The following FGFR1 variants were observed in gnomAD, a reference collection of about 807,000 sequenced individuals.
FGFR1 encodes the protein fibroblast growth factor receptor 1, also known as FGFR1/PLAG1 fusion.
A neutral mutation model predicts 93.7 loss-of-function variants in FGFR1; 18 were observed. That is an observed-to-expected ratio of 0.19 (90% confidence interval 0.13 to 0.28). FGFR1 has a LOEUF of 0.28. Among genes scored for constraint, FGFR1 ranks in the 10% least tolerant of loss-of-function variants. The pLI, the probability that FGFR1 is intolerant of heterozygous loss-of-function variation, is 1.00. For missense variants in FGFR1, 731 were observed against 1,080.4 expected, an observed-to-expected ratio of 0.68 and a Z score of 4.53; for synonymous variants, 448 against 429.3, an observed-to-expected ratio of 1.04 and a Z score of -0.54.
Position 38,461,174 on chromosome 8 carries a change from C to G in FGFR1, c.-88-3640G>C, listed in dbSNP as rs567194714. On this transcript the variant is annotated intron_variant, in intron 1 of 17. Transcript: ENST00000447712. ...TGCCTGCTGTCTTCTCACTGGAGTA[C>G]TGATCCAACATACAGGGTGGACAGT... 1.2e-4 allele frequency: 187 copies of G among 1,528,814 alleles called. 1 individual carries two copies. In the South Asian group the frequency reaches 2.1e-3, roughly 17 times the overall value. 94.7% of individuals were successfully genotyped at this position (1,528,814 alleles called of 1,614,324 possible).
intron 1 of FGFR1, chr8:38,458,800 T>C (rs1833625138): frequency 4.5e-6 from 1 of 221,198 alleles, no homozygotes; most frequent in East Asian, 6.6e-5. Flanking sequence ...TCCATAGTTC[T>C]ACCAGCCTCC....
chr8:38,415,847 A>G (rs374046152), intron 13 of FGFR1, 23 bp downstream of exon 13: 18 of 1,611,204 alleles, frequency 1.1e-5, no homozygotes, highest in Non-Finnish European at 1.5e-5. Flanking sequence ...GGCATTACCC[A>G]GGGGAGCCTT....
chr8:38,414,409 A>G (rs1815545067), intron 15 of FGFR1, 120 bp from the exon 16 acceptor site: 1 of 1,557,078 alleles, frequency 6.4e-7, no homozygotes, highest in Non-Finnish European at 8.8e-7. Flanking sequence ...GCCTTTCAAC[A>G]TCTGGAGCAG....
chr8:38,444,387 GT>G (rs112231725), intron 2 of FGFR1, among the ~76,000 whole-genome samples: 7,651 of 133,650 alleles, frequency 0.057, 220 homozygotes, highest in South Asian at 0.11. Flanking sequence ...CATGGTTCGG[GT>G]TTTTTTTTTT....
At chr8:38,442,066 G>A (rs1827669513) in intron 2 of FGFR1, among the ~76,000 whole-genome samples, 1 of 152,142 alleles carries the variant, frequency 6.6e-6, no homozygotes, top group Non-Finnish European at 1.5e-5. Flanking sequence ...ACTGTGACTA[G>A]CAACTGCCCC....
In FGFR1 at chr8:38,413,753, CGGGAAA is replaced by C; in HGVS notation, c.2338_2343del (p.Phe780_Pro781del). ...GAGGAGCACGTAGAGCTCCGGGTGT[CGGGAAA>C]GCTGGGGGAGTACTGGTCCAGGGGC... is the stretch of plus-strand genomic sequence containing the variant. On this transcript the variant is annotated inframe_deletion, in exon 18 of 18. Coordinates refer to ENST00000447712, the MANE Select transcript of FGFR1 (RefSeq NM_023110.3). This position sits in a 1 kb window ranked among gnomAD's most constrained non-coding sequence, Gnocchi z 4.2. 2 of 1,614,044 alleles carry C rather than the reference CGGGAAA, an allele frequency of 1.2e-6. No individual in the cohort carries two copies. Among genetic ancestry groups the C allele is most frequent in the Non-Finnish European group, 1.7e-6 (2 of 1,179,990 alleles).
At chr8:38,462,470 C>T (rs897165835) in intron 1 of FGFR1, among the ~76,000 whole-genome samples, 2 of 151,866 alleles carry the variant, frequency 1.3e-5, no homozygotes, top group Non-Finnish European at 2.9e-5. Flanking sequence ...CGCCACTGCA[C>T]TCCAGCCTGG....
chr8:38,455,403 G>A (rs1455184315), intron 2 of FGFR1, among the ~76,000 whole-genome samples: 1 of 152,088 alleles, frequency 6.6e-6, no homozygotes, highest in East Asian at 1.9e-4. Flanking sequence ...GCCTCAGCTG[G>A]AGACTGGAGC....
chr8:38,461,292 C>T, intron 1 of FGFR1: 1 of 615,792 alleles, frequency 1.6e-6, no homozygotes, highest in Non-Finnish European at 2.8e-6. Context: ...ATCTCCTTGT[C>T]CAAAAATTAT....
chr8:38,461,979 T>C (rs1448351609), intron 1 of FGFR1, among the ~76,000 whole-genome samples: 1 of 152,178 alleles, frequency 6.6e-6, no homozygotes, highest in Non-Finnish European at 1.5e-5. Flanking sequence ...CTCTCCATCT[T>C]CATGTCTTAT....
intron 7 of FGFR1, chr8:38,423,002 G>C (rs1458142523): frequency 2.6e-6 from 2 of 779,068 alleles, no homozygotes; most frequent in South Asian, 2.7e-5. Flanking sequence ...CCCAGCACAG[G>C]GTCCCATCCA....
chr8:38,423,459 C>G (rs1819562451), intron 7 of FGFR1: 2 of 367,810 alleles, frequency 5.4e-6, no homozygotes, highest in African/African-American at 4.3e-5. Context: ...GTAGCTGGGA[C>G]TACAGGTGCC....
rs1034535394 is a variant in FGFR1 at position 38,438,242 on chromosome 8, T to C, written c.92-8294A>G. Reference sequence around the variant, plus strand: ...TAGAATCTTGTGAAGTATTTAAGAGTTAGAATTATTATCTTCGGGCCCAGT... The same window carrying C: ...TAGAATCTTGTGAAGTATTTAAGAGCTAGAATTATTATCTTCGGGCCCAGT... On this transcript the variant is annotated intron_variant, in intron 2 of 17. Coordinates refer to ENST00000447712, the MANE Select transcript of FGFR1 (RefSeq NM_023110.3). 6.6e-5 allele frequency among the ~76,000 whole-genome samples: 10 copies of C among 152,132 alleles called. No homozygotes were observed. In the South Asian group the frequency reaches 1.0e-3, roughly 16 times the overall value.
intron 1 of FGFR1, among the ~76,000 whole-genome samples, chr8:38,461,653 C>T (rs932597464): frequency 1.3e-5 from 2 of 152,124 alleles, no homozygotes; most frequent in African/African-American, 4.8e-5. Context: ...TGAATTCACA[C>T]CCTTCCACTT....
At chr8:38,417,485 G>C in intron 11 of FGFR1, 69 bp from the exon 12 acceptor site, 1 of 1,335,272 alleles carries the variant, frequency 7.5e-7, no homozygotes, top group South Asian at 1.2e-5. Flanking sequence ...TAAGGGAGTG[G>C]GGTATGTGTC....
At chr8:38,438,252 T>C (rs768956249) in intron 2 of FGFR1, among the ~76,000 whole-genome samples, 3 of 152,204 alleles carry the variant, frequency 2.0e-5, no homozygotes, top group African/African-American at 7.2e-5. Flanking sequence ...TTAGAATTAT[T>C]ATCTTCGGGC....
At position 38,413,964 on chromosome 8, in the gene FGFR1, T is replaced by C; in HGVS notation, c.2246A>G (p.Gln749Arg). ...GATGCGGTCCAGGTCTTCCACCAGC[T>C]GCTTGAAGGTGGGTCTCTGTGAGGG... ...AVPSQRPTFK[Q>R]LVEDLDRIVA... Residue 749 changes from glutamine (Q) to arginine (R), a missense_variant, in exon 17 of 18, where the codon CAG becomes CGG. This residue lies in a region of FGFR1 where 35 missense variants were observed against 78.0 expected (regional missense o/e 0.45). Coordinates refer to ENST00000447712, the MANE Select transcript of FGFR1 (RefSeq NM_023110.3). The surrounding 1 kb of genome is among the most constrained non-coding windows in gnomAD (Gnocchi z 4.2). 6.2e-7 allele frequency: 1 copy of C among 1,614,118 alleles called. No individual in the cohort carries two copies. The highest frequency in any genetic ancestry group is 8.5e-7 in the Non-Finnish European group (1 of 1,180,004).
rs138794330 is a variant in FGFR1, at chr8:38,418,484, G to C, written c.1285-111C>G. 11 of 1,314,834 alleles carry C rather than the reference G, an allele frequency of 8.4e-6. No homozygotes were observed. The East Asian group carries it at 2.3e-4, about 27-fold the overall frequency. The allele number at this position is 1,314,834 out of a possible 1,614,324, so 81.4% of individuals were successfully genotyped here. A position where few individuals can be genotyped will look rare whatever the true frequency, so the allele number is the denominator to read the frequency against. The stretch of plus-strand genomic sequence containing the variant: ...GGCAGAGGCACATGTCTGTGTATCT[G>C]ATGTTCTTTCCTCAACACAGAGTGG... On this transcript the variant is annotated intron_variant, in intron 9 of 17. Transcript: ENST00000447712.
intron 1 of FGFR1, among the ~76,000 whole-genome samples, chr8:38,459,316 G>T (rs140968909): frequency 6.6e-6 from 1 of 152,106 alleles, no homozygotes; most frequent in Non-Finnish European, 1.5e-5. Context: ...AGGGCCCCTC[G>T]CAAGTGAGTC....
Sources: allele counts gnomAD v4.1 joint callset (sites outside exome capture counted in the v4.1 genomes callset), GRCh38; gene constraint gnomAD v4.1.1; regional missense constraint gnomAD v4.1.1; non-coding constraint Gnocchi (gnomAD v3.1); transcripts MANE v1.5; gene names NCBI Gene and HGNC (gene_info 2026-07-23, HGNC 2026-07-21).